The following PAPPA2 variants were observed in gnomAD, a reference collection of about 807,000 sequenced individuals.
PAPPA2 encodes pappalysin-2.
A neutral mutation model predicts 176.4 loss-of-function variants in PAPPA2; 86 were observed. That is an observed-to-expected ratio of 0.49 (90% CI 0.41 to 0.58). The LOEUF is 0.58. Ranked by LOEUF, PAPPA2 falls within the 20% of genes least tolerant of loss-of-function variation. The pLI is 0.00. For missense variants in PAPPA2, 2,073 were observed against 2,256.9 expected, an observed-to-expected ratio of 0.92 and a Z score of 1.65; for synonymous variants, 809 against 852.2, an observed-to-expected ratio of 0.95 and a Z score of 0.88.
chr1:176,715,805 G>A (rs895028823), intron 12 of PAPPA2, among the ~76,000 whole-genome samples: 1 of 152,036 alleles, frequency 6.6e-6, no homozygotes, highest in East Asian at 1.9e-4. Context: ...TAAAATGCTT[G>A]ACTCAAACCC....
At chr1:176,691,641 A>G (rs550992910) in intron 5 of PAPPA2, among the ~76,000 whole-genome samples, 167 of 152,364 alleles carry the variant, frequency 1.1e-3, no homozygotes, top group African/African-American at 3.9e-3. Flanking sequence ...ACCTTGCCAG[A>G]TTCAAAAGTG....
chr1:176,584,659 T>A (rs1310504243), intron 2 of PAPPA2, among the ~76,000 whole-genome samples: 1 of 137,418 alleles, frequency 7.3e-6, no homozygotes, highest in East Asian at 2.4e-4. Context: ...TATTCTTTAT[T>A]TCTTACTTTC....
chr1:176,571,157 G>C, intron 2 of PAPPA2, among the ~76,000 whole-genome samples: 1 of 152,112 alleles, frequency 6.6e-6, no homozygotes, highest in Non-Finnish European at 1.5e-5. Flanking sequence ...GATCTCTCCT[G>C]ACTCTCCAGA....
chr1:176,533,085 T>C (rs1353811579), intron 1 of PAPPA2, among the ~76,000 whole-genome samples: 1 of 152,236 alleles, frequency 6.6e-6, no homozygotes, highest in African/African-American at 2.4e-5. Context: ...CCCTTATTCC[T>C]GTCAAAGCTT....
rs531957329 is a variant in PAPPA2 at position 176,707,664 on chromosome 1, C to T, written c.3457+1214C>T. ...AAAATTTTTCCCCTTTTTTCCAGTT[C>T]GAAAACTGAGGCTCAGAACGTTTTA... On this transcript the variant is annotated intron_variant, in intron 10 of 22. Coordinates refer to ENST00000367662, the MANE Select transcript of PAPPA2 (RefSeq NM_020318.3). Among the ~76,000 whole-genome samples the T allele has an allele frequency of 6.4e-4, 97 of 151,960 alleles. 2 individuals are homozygous for T. The highest frequency in any genetic ancestry group is 6.9e-4 in the Non-Finnish European group (47 of 67,980).
intron 22 of PAPPA2, among the ~76,000 whole-genome samples, chr1:176,842,141 T>C (rs925977247): frequency 2.0e-5 from 3 of 152,174 alleles, no homozygotes; most frequent in African/African-American, 7.2e-5. Context: ...TCTGGGGTAG[T>C]TTCTGTTGTC....
chr1:176,620,466 T>C (rs1655521802), intron 3 of PAPPA2, among the ~76,000 whole-genome samples: 1 of 152,170 alleles, frequency 6.6e-6, no homozygotes, highest in African/African-American at 2.4e-5. Flanking sequence ...AGTCTAGACA[T>C]TTCAAATCAC....
chr1:176,484,965 C>T (rs1652579958), intron 1 of PAPPA2, among the ~76,000 whole-genome samples: 1 of 152,164 alleles, frequency 6.6e-6, no homozygotes, highest in South Asian at 2.1e-4. Context: ...TCTCTATATT[C>T]ACCTATCAGT....
At chr1:176,839,336 C>A (rs1237377185) in intron 21 of PAPPA2, among the ~76,000 whole-genome samples, 1 of 152,178 alleles carries the variant, frequency 6.6e-6, no homozygotes, top group Non-Finnish European at 1.5e-5. Context: ...TGTTGCTGTT[C>A]TTATTGTACA....
intron 14 of PAPPA2, among the ~76,000 whole-genome samples, chr1:176,754,677 C>A (rs1033414112): frequency 6.6e-6 from 1 of 152,230 alleles, no homozygotes; most frequent in Non-Finnish European, 1.5e-5. Context: ...TTAAAAATGT[C>A]ACCTACTTCC....
chr1:176,825,453 T>C (rs1666821087), intron 21 of PAPPA2, among the ~76,000 whole-genome samples: 1 of 152,212 alleles, frequency 6.6e-6, no homozygotes, highest in African/African-American at 2.4e-5. Flanking sequence ...TGCAGATACA[T>C]ATTAGTCCTT....
chr1:176,580,669 C>A (rs1652911148), intron 2 of PAPPA2, among the ~76,000 whole-genome samples: 1 of 151,930 alleles, frequency 6.6e-6, no homozygotes, highest in Non-Finnish European at 1.5e-5. Context: ...TAGTAATAAC[C>A]ATCCCAACTG....
intron 22 of PAPPA2, among the ~76,000 whole-genome samples, chr1:176,841,723 C>T (rs1293960824): frequency 6.6e-6 from 1 of 152,104 alleles, no homozygotes; most frequent in African/African-American, 2.4e-5. Context: ...GAAGGCAATA[C>T]AGCCACAAAC....
At chr1:176,833,629 A>T (rs1667160002) in intron 21 of PAPPA2, among the ~76,000 whole-genome samples, 1 of 152,056 alleles carries the variant, frequency 6.6e-6, no homozygotes, top group South Asian at 2.1e-4. Flanking sequence ...GAATATTGTT[A>T]GGTTTTATCT....
intron 4 of PAPPA2, among the ~76,000 whole-genome samples, chr1:176,679,994 C>T (rs1301704053): frequency 2.0e-5 from 3 of 152,048 alleles, no homozygotes; most frequent in Non-Finnish European, 2.9e-5. Context: ...TATGTGGCCC[C>T]TAGAGCTTTC....
At chr1:176,571,291 C>T (rs765991122) in intron 2 of PAPPA2, among the ~76,000 whole-genome samples, 3 of 152,186 alleles carry the variant, frequency 2.0e-5, no homozygotes, top group Non-Finnish European at 4.4e-5. Context: ...CATTTAAGTT[C>T]TTTCCCTCAC....
intron 14 of PAPPA2, among the ~76,000 whole-genome samples, chr1:176,758,052 A>G (rs112906365): frequency 0.017 from 2,578 of 152,306 alleles, 37 homozygotes; most frequent in Middle Eastern, 0.041. Flanking sequence ...AGGAGCAGAG[A>G]AACTTCCACT....
At chr1:176,776,918 G>C (rs1664481105) in intron 17 of PAPPA2, among the ~76,000 whole-genome samples, 1 of 151,440 alleles carries the variant, frequency 6.6e-6, no homozygotes, top group Admixed American at 6.6e-5. Flanking sequence ...TATTATAGAT[G>C]AGGAAACTGA....
rs139034669 is a variant in PAPPA2 at position 176,786,546 on chromosome 1, T to G, written c.4716-3263T>G. Among the ~76,000 whole-genome samples the G allele has an allele frequency of 9.6e-4, 146 of 152,340 alleles. 1 individual carries two copies. The highest frequency in any genetic ancestry group is 3.4e-3 in the African/African-American group (142 of 41,574). The stretch of plus-strand genomic sequence containing the variant: ...GTAATTCATTACTCAATACAAAAAT[T>G]TAAAGTGAAACTTCTTTTTTGCCCA... On this transcript the variant is annotated intron_variant, in intron 17 of 22. Transcript: ENST00000367662.
Sources: allele counts gnomAD v4.1 joint callset (sites outside exome capture counted in the v4.1 genomes callset), GRCh38; gene constraint gnomAD v4.1.1; transcripts MANE v1.5; gene names NCBI Gene and HGNC (gene_info 2026-07-23, HGNC 2026-07-21).